The following ETV6 variants were observed in gnomAD, a reference collection of about 807,000 sequenced individuals.
ETV6 encodes the protein transcription factor ETV6.
Under a neutral mutation model 51.1 loss-of-function variants are expected in ETV6, and 16 were observed. That is an observed-to-expected ratio of 0.31 (90% CI 0.21 to 0.48). ETV6 has a LOEUF of 0.48. Ranked by LOEUF, ETV6 falls within the 20% of genes least tolerant of loss-of-function variation. The pLI is 0.99. For synonymous variants in ETV6, 240 were observed against 224.1 expected (o/e 1.07, Z -0.64); for missense variants, 458 against 594.8 (o/e 0.77, Z 2.39).
At position 11,869,948 on chromosome 12, in the gene ETV6, A is replaced by G; in HGVS notation, c.988A>G (p.Met330Val). 6.2e-7 allele frequency: 1 copy of G among 1,606,896 alleles called. No homozygotes were observed. The highest frequency in any genetic ancestry group is 8.5e-7 in the Non-Finnish European group (1 of 1,179,216). The change falls in exon 5 of 8, where the codon ATG becomes GTG. Residue 330 changes from methionine (M) to valine (V), a missense_variant. This residue lies in a region of ETV6 where 293 missense variants were observed against 315.7 expected (regional missense o/e 0.93). Transcript: ENST00000396373. This position sits in a 1 kb window ranked among gnomAD's most constrained non-coding sequence, Gnocchi z 5.0. ...VSVSPPEEHAMPIGRIADCRL... is the reference protein window; with the variant it reads ...VSVSPPEEHAVPIGRIADCRL... ...TGTCTCCCCGCCTGAAGAGCACGCC[A>G]TGCCCATTGGGAGAATAGCAGGTGA...
chr12:11,698,725 G>A (rs2724653), intron 1 of ETV6, among the ~76,000 whole-genome samples: 6 of 152,004 alleles, frequency 3.9e-5, no homozygotes, highest in African/African-American at 1.4e-4. Context: ...ATCCAAAAAG[G>A]CTGAATGAAA....
chr12:11,774,152 T>C (rs528387558), intron 2 of ETV6, among the ~76,000 whole-genome samples: 5 of 152,154 alleles, frequency 3.3e-5, no homozygotes, highest in African/African-American at 4.8e-5. Flanking sequence ...GAGGTGCTTA[T>C]TTGTTCATCT....
At chr12:11,852,874 C>T (rs1946578146) in intron 3 of ETV6, among the ~76,000 whole-genome samples, 4 of 152,156 alleles carry the variant, frequency 2.6e-5, no homozygotes, top group Admixed American at 2.6e-4. Context: ...TGTTTTCTTT[C>T]TGATTTTCTG....
chr12:11,650,204 CTGCACCGGCCAGGGCAG>C (rs2120582059), intron 1 of ETV6, 44 bp downstream of exon 1: 1 of 1,560,932 alleles, frequency 6.4e-7, no homozygotes, highest in Admixed American at 1.7e-5. Context: ...AAACCCTGAG[CTGCACCGGCCAGGGCAG>C]TCGTGCTGGG....
chr12:11,871,583 A>C (rs1402808291), intron 5 of ETV6, among the ~76,000 whole-genome samples: 1 of 152,194 alleles, frequency 6.6e-6, no homozygotes, highest in East Asian at 1.9e-4. Context: ...ACTGTTATAA[A>C]TCATTTACAT....
chr12:11,691,371 C>G (rs918872963), intron 1 of ETV6, among the ~76,000 whole-genome samples: 64 of 152,294 alleles, frequency 4.2e-4, no homozygotes, highest in African/African-American at 1.5e-3. Context: ...AGATTGCCAT[C>G]CTTCCCACAC....
intron 2 of ETV6, among the ~76,000 whole-genome samples, chr12:11,778,044 C>T (rs1033734113): frequency 8.5e-5 from 13 of 152,084 alleles, no homozygotes; most frequent in African/African-American, 3.1e-4. Context: ...TGGATCTCAC[C>T]TACGTGACCT....
intron 1 of ETV6, among the ~76,000 whole-genome samples, chr12:11,722,304 C>G (rs529525279): frequency 2.0e-5 from 3 of 152,216 alleles, no homozygotes; most frequent in African/African-American, 7.2e-5. Flanking sequence ...AGTGAAATGG[C>G]CAAAAGGTGA....
chr12:11,876,499 G>A (rs566983928), intron 5 of ETV6, among the ~76,000 whole-genome samples: 5 of 152,314 alleles, frequency 3.3e-5, no homozygotes, highest in African/African-American at 9.6e-5. Context: ...TTCTCTTAAA[G>A]TACTTTAATT....
In ETV6 at chr12:11,869,520, C is replaced by G. The variant is rs753079378; in HGVS notation, c.560C>G (p.Thr187Arg). 1 of 1,614,162 alleles carries G rather than the reference C, an allele frequency of 6.2e-7. No homozygotes were observed. Among genetic ancestry groups the G allele is most frequent in the Non-Finnish European group, 8.5e-7 (1 of 1,180,026 alleles). ...ELLHRSRSPITTNHRPSPDPE... is the reference protein window; with the variant it reads ...ELLHRSRSPIRTNHRPSPDPE... Reference sequence around the variant, plus strand: ...TTGCACCGCTCCAGGTCACCTATCACGACAAATCACCGGCCTTCTCCTGAC... The same window carrying G: ...TTGCACCGCTCCAGGTCACCTATCAGGACAAATCACCGGCCTTCTCCTGAC... Residue 187 changes from threonine (T) to arginine (R), a missense_variant, in exon 5 of 8, where the codon ACG becomes AGG. By Grantham distance (71) the Thr-to-Arg change is moderately conservative. Around this residue, in one of 4 missense-constraint regions of ETV6, gnomAD observed 293 missense variants for 315.7 expected, o/e 0.93. Coordinates refer to ENST00000396373, the MANE Select transcript of ETV6 (RefSeq NM_001987.5). The surrounding 1 kb of genome is among the most constrained non-coding windows in gnomAD (Gnocchi z 5.0).
chr12:11,678,846 C>T lies in ETV6; in HGVS notation c.33+28686C>T, dbSNP rs533645295. ...ATGAGATGAGATGTCCCAATGTAAG[C>T]TGTGAGGCAGGGGAAAAAAAGGGAG... On this transcript the variant is annotated intron_variant, in intron 1 of 7. Transcript: ENST00000396373. Among the ~76,000 whole-genome samples, 3 of 152,242 alleles carry T rather than the reference C, an allele frequency of 2.0e-5. No homozygotes were observed. The South Asian group carries it at 6.2e-4, about 32-fold the overall frequency.
At chr12:11,882,934 C>T (rs1158716279) in intron 5 of ETV6, among the ~76,000 whole-genome samples, 1 of 152,234 alleles carries the variant, frequency 6.6e-6, no homozygotes, top group East Asian at 1.9e-4. Flanking sequence ...GTCCAGAGTG[C>T]AAATCCTTGT....
intron 1 of ETV6, among the ~76,000 whole-genome samples, chr12:11,660,954 G>A (rs1052013717): frequency 1.3e-5 from 2 of 152,172 alleles, no homozygotes; most frequent in Admixed American, 6.5e-5. Flanking sequence ...TGGAAAAATG[G>A]CACATCTGAA....
At chr12:11,659,812 A>G (rs886290575) in intron 1 of ETV6, among the ~76,000 whole-genome samples, 8 of 152,110 alleles carry the variant, frequency 5.3e-5, no homozygotes, top group Admixed American at 4.6e-4. Context: ...TGGCAGGGGA[A>G]GTTCTGGCAC....
At chr12:11,866,442 C>T (rs1045429710) in intron 4 of ETV6, among the ~76,000 whole-genome samples, 1 of 152,160 alleles carries the variant, frequency 6.6e-6, no homozygotes, top group Non-Finnish European at 1.5e-5. Flanking sequence ...GGATGCTGAG[C>T]ACATTGAGAC....
intron 1 of ETV6, among the ~76,000 whole-genome samples, chr12:11,734,685 C>T (rs1403496773): frequency 6.6e-6 from 1 of 152,114 alleles, no homozygotes; most frequent in Non-Finnish European, 1.5e-5. Context: ...GCATTATCTC[C>T]TCTAATCCTC....
Position 11,821,671 on chromosome 12 carries a change from TA to T in ETV6, c.164-17459del, listed in dbSNP as rs376725658. Among the ~76,000 whole-genome samples, 294 of 149,762 alleles carry T rather than the reference TA, an allele frequency of 2.0e-3. 3 individuals carry two copies. Among genetic ancestry groups the T allele is most frequent in the Middle Eastern group, 3.4e-3 (1 of 292 alleles). On this transcript the variant is annotated intron_variant, in intron 2 of 7. Transcript: ENST00000396373. ...GGCAACATAGCAAGACCCCATCTCT[TA>T]AAAAAAAAATGTGTTTTAGATTAGC...
At chr12:11,872,814 A>G (rs1444671283) in intron 5 of ETV6, among the ~76,000 whole-genome samples, 1 of 151,956 alleles carries the variant, frequency 6.6e-6, no homozygotes, top group Non-Finnish European at 1.5e-5. Flanking sequence ...TATTTTTTTC[A>G]TCTCATTCCC....
At chr12:11,745,955 G>A (rs899237444) in intron 1 of ETV6, among the ~76,000 whole-genome samples, 3 of 152,084 alleles carry the variant, frequency 2.0e-5, no homozygotes, top group Non-Finnish European at 4.4e-5. Flanking sequence ...GGATAAATTC[G>A]AATGGCTACT....
Sources: gnomAD v4.1 joint callset for allele counts (sites outside exome capture counted in the v4.1 genomes callset) on GRCh38, gnomAD v4.1.1 for gene constraint, gnomAD v4.1.1 regional missense constraint, Gnocchi (gnomAD v3.1) non-coding constraint, MANE v1.5 for transcripts, NCBI Gene and HGNC (gene_info 2026-07-23, HGNC 2026-07-21) for gene names.